Variants in CRYBG3 observed in about 807,000 individuals in gnomAD.
The protein encoded by CRYBG3 is crystallin beta-gamma domain containing 3.
In CRYBG3, 127 loss-of-function variants were observed where a neutral mutation model predicts 244.2. The observed-to-expected ratio is 0.52, with a 90% CI of 0.45 to 0.60. The LOEUF is 0.60. CRYBG3 is among the 20% of genes least tolerant of loss of function. CRYBG3 has a pLI of 0.00. For missense variants in CRYBG3, 3,325 were observed against 3,442.5 expected (o/e 0.97, Z 0.85); for synonymous variants, 1,132 against 1,195.8 (o/e 0.95, Z 1.10).
At chr3:97,894,595 C>A (rs2039619776) in intron 11 of CRYBG3, among the ~76,000 whole-genome samples, 1 of 152,054 alleles carries the variant, frequency 6.6e-6, no homozygotes, top group South Asian at 2.1e-4. Flanking sequence ...GAATCTTAAT[C>A]AAAACTTAGT....
At chr3:97,857,105 A>G (rs1452255048) in intron 2 of CRYBG3, among the ~76,000 whole-genome samples, 1 of 152,028 alleles carries the variant, frequency 6.6e-6, no homozygotes, top group Non-Finnish European at 1.5e-5. Flanking sequence ...GACGAAACAA[A>G]TGTTTTAATT....
Position 97,875,591 on chromosome 3 carries a change from CAG to C in CRYBG3, c.4400_4401del (p.Glu1467GlyfsTer17). 2 of 1,238,340 alleles carry C rather than the reference CAG, an allele frequency of 1.6e-6. No individual in the cohort carries two copies. Among genetic ancestry groups the C allele is most frequent in the Non-Finnish European group, 2.0e-6 (2 of 992,430 alleles). The allele number at this position is 1,238,340 out of a possible 1,614,324, so 76.7% of individuals were successfully genotyped here. A position where few individuals can be genotyped will look rare whatever the true frequency, so the allele number is the denominator to read the frequency against. ...AATGTGGATAATAACAAAACTGAGA[CAG>C]AGGACAGAAGAACTCTTGTATTAAA... is the stretch of plus-strand genomic sequence containing the variant. On this transcript the variant is annotated frameshift_variant, in exon 4 of 22. Coordinates refer to ENST00000389622, the MANE Select transcript of CRYBG3 (RefSeq NM_153605.4). LOFTEE classifies it high-confidence loss of function.
intron 2 of CRYBG3, among the ~76,000 whole-genome samples, chr3:97,855,978 C>G (rs1025488552): frequency 3.9e-5 from 6 of 152,216 alleles, no homozygotes; most frequent in African/African-American, 1.4e-4. Context: ...TTGAGAGCAA[C>G]CGGTCTGACC....
At chr3:97,861,176 CAT>C (rs2039141902) in intron 2 of CRYBG3, among the ~76,000 whole-genome samples, 1 of 152,118 alleles carries the variant, frequency 6.6e-6, no homozygotes, top group African/African-American at 2.4e-5. Flanking sequence ...CTTCATCAGC[CAT>C]ATCCCTGCCA....
chr3:97,892,757 A>T (rs1022332355), intron 10 of CRYBG3, 103 bp from the exon 11 acceptor site: 3 of 505,144 alleles, frequency 5.9e-6, no homozygotes, highest in Admixed American at 4.5e-5. Context: ...CATATTAATT[A>T]AAAAAAAATA....
intron 7 of CRYBG3, among the ~76,000 whole-genome samples, chr3:97,883,118 G>A (rs2108225743): frequency 6.6e-6 from 1 of 152,296 alleles, no homozygotes; most frequent in South Asian, 2.1e-4. Context: ...AGGACTAACA[G>A]GAGTTAAGCA....
At chr3:97,879,384 A>G (rs2039419647) in intron 4 of CRYBG3, among the ~76,000 whole-genome samples, 1 of 152,160 alleles carries the variant, frequency 6.6e-6, no homozygotes, top group African/African-American at 2.4e-5. Flanking sequence ...CCTCACCTCC[A>G]TGCTGGTGCC....
chr3:97,833,767 A>G (rs1045214817), intron 1 of CRYBG3, among the ~76,000 whole-genome samples: 1 of 152,254 alleles, frequency 6.6e-6, no homozygotes, highest in Admixed American at 6.5e-5. Context: ...TTTCGCTGTC[A>G]TAGTCTGTGT....
At chr3:97,887,983 A>G (rs1391628154) in intron 8 of CRYBG3, among the ~76,000 whole-genome samples, 1 of 152,216 alleles carries the variant, frequency 6.6e-6, no homozygotes, top group African/African-American at 2.4e-5. Flanking sequence ...TGATTGTTCC[A>G]GTTTAAAAAA....
At position 97,864,449 on chromosome 3, in the gene CRYBG3, A is replaced by T; in HGVS notation, c.449A>T (p.Asp150Val). 1 of 1,535,970 alleles carries T rather than the reference A, an allele frequency of 6.5e-7. No homozygotes were observed. The highest frequency in any genetic ancestry group is 2.4e-5 in the East Asian group (1 of 40,898). The change falls in exon 3 of 22, where the codon GAT (aspartate) becomes GTT (valine). Residue 150 changes from aspartate to valine, a missense_variant. Physicochemically the swap from Asp to Val is radical, Grantham distance 152. Coordinates refer to ENST00000389622, the MANE Select transcript of CRYBG3 (RefSeq NM_153605.4). ...AKQSSFKDDQ[D>V]KTEKDLQNPS... is the part of the protein sequence containing the mutation. Reference sequence around the variant, plus strand: ...CAGTCTTCTTTCAAAGATGACCAGGATAAAACTGAGAAGGATTTACAAAAT... The same window carrying T: ...CAGTCTTCTTTCAAAGATGACCAGGTTAAAACTGAGAAGGATTTACAAAAT...
At position 97,880,006 on chromosome 3, in the gene CRYBG3, G is replaced by A; in HGVS notation, c.6910G>A (p.Glu2304Lys). ...PGKMVIYDLH[E>K]STYKQEVYCN... Reference sequence around the variant, plus strand: ...GCAGATGGTTATCTATGATCTCCATGAAAGTACATATAAACAAGAAGTCTA... The same window carrying A: ...GCAGATGGTTATCTATGATCTCCATAAAAGTACATATAAACAAGAAGTCTA... Residue 2304 changes from glutamate to lysine, a missense_variant, in exon 6 of 22, where the codon GAA becomes AAA. Glu to Lys is a moderately conservative substitution (Grantham distance 56). Around this residue, in one of 4 missense-constraint regions of CRYBG3, gnomAD observed 714 missense variants for 803.6 expected, o/e 0.89. Coordinates refer to ENST00000389622, the MANE Select transcript of CRYBG3 (RefSeq NM_153605.4). 1.9e-6 allele frequency: 3 copies of A among 1,570,922 alleles called. No individual in the cohort carries two copies. Among genetic ancestry groups the A allele is most frequent in the Non-Finnish European group, 2.6e-6 (3 of 1,145,150 alleles).
At chr3:97,843,973 A>C (rs1179561289) in intron 2 of CRYBG3, among the ~76,000 whole-genome samples, 1 of 152,156 alleles carries the variant, frequency 6.6e-6, no homozygotes, top group Non-Finnish European at 1.5e-5. Context: ...GTGACAGTCA[A>C]GGAGAAAATT....
At chr3:97,834,750 A>C (rs1416923318) in intron 1 of CRYBG3, among the ~76,000 whole-genome samples, 1 of 152,188 alleles carries the variant, frequency 6.6e-6, no homozygotes, top group African/African-American at 2.4e-5. Context: ...ATTATGATGC[A>C]AAGGAATTAA....
chr3:97,886,933 A>G (rs1226855475), intron 8 of CRYBG3, among the ~76,000 whole-genome samples, 166 bp downstream of exon 8: 1 of 152,232 alleles, frequency 6.6e-6, no homozygotes, highest in African/African-American at 2.4e-5. Context: ...GAGCTTTGAT[A>G]TATGACTCAC....
intron 15 of CRYBG3, among the ~76,000 whole-genome samples, chr3:97,904,193 A>G (rs1231458109): frequency 1.3e-5 from 2 of 152,304 alleles, no homozygotes; most frequent in Middle Eastern, 3.4e-3. Flanking sequence ...CTCTATGGAC[A>G]ATCCTCAGAA....
intron 8 of CRYBG3, among the ~76,000 whole-genome samples, chr3:97,887,193 A>AGTGAT (rs2039518677): frequency 6.6e-6 from 1 of 152,054 alleles, no homozygotes; most frequent in African/African-American, 2.4e-5. Context: ...ATTATATATG[A>AGTGAT]GTGATTTGTC....
At position 97,864,589 on chromosome 3, in the gene CRYBG3, G is replaced by C. The variant is rs938431731; in HGVS notation, c.589G>C (p.Asp197His). Reference protein sequence around the residue: ...EQDSNSSELSDAFSLDTTQDS... With the variant: ...EQDSNSSELSHAFSLDTTQDS... Reference sequence around the variant, plus strand: ...AGACTCTAACTCATCCGAACTCTCAGATGCTTTTTCTTTGGATACAACACA... The same window carrying C: ...AGACTCTAACTCATCCGAACTCTCACATGCTTTTTCTTTGGATACAACACA... The change falls in exon 3 of 22, where the codon GAT becomes CAT. Residue 197 changes from aspartate to histidine, a missense_variant. By Grantham distance (81) the Asp-to-His change is moderately conservative (BLOSUM62 -1). Coordinates refer to ENST00000389622, the MANE Select transcript of CRYBG3 (RefSeq NM_153605.4). The C allele has an allele frequency of 1.2e-5, 18 of 1,535,816 alleles. No individual in the cohort carries two copies. The Middle Eastern group carries it at 1.5e-3, about 128-fold the overall frequency.
intron 1 of CRYBG3, among the ~76,000 whole-genome samples, chr3:97,824,419 A>G (rs2038551712): frequency 6.6e-6 from 1 of 152,218 alleles, no homozygotes; most frequent in African/African-American, 2.4e-5. Flanking sequence ...AAACTAAAAC[A>G]TAATTATGAG....
chr3:97,873,710 C>T lies in CRYBG3; in HGVS notation c.2516C>T (p.Ser839Phe), dbSNP rs1483370312. ...GGAAGAGGAAAAACTATATCCTTGT[C>T]CAAGGTATCTCTTTCAAAAGTGGAG... The part of the protein sequence containing the change: ...HSGRGKTISL[S>F]KVSLSKVEPR... The change falls in exon 4 of 22, where the codon TCC becomes TTC. Residue 839 changes from serine (S) to phenylalanine (F), a missense_variant. By Grantham distance (155) the Ser-to-Phe change is radical. Coordinates refer to ENST00000389622, the MANE Select transcript of CRYBG3 (RefSeq NM_153605.4). The T allele has an allele frequency of 6.5e-7, 1 of 1,535,736 alleles. No individual in the cohort carries two copies. Among genetic ancestry groups the T allele is most frequent in the East Asian group, 2.4e-5 (1 of 40,908 alleles).
Sources: allele counts gnomAD v4.1 joint callset (sites outside exome capture counted in the v4.1 genomes callset), GRCh38; gene constraint gnomAD v4.1.1; regional missense constraint gnomAD v4.1.1; transcripts MANE v1.5; gene names NCBI Gene and HGNC (gene_info 2026-07-23, HGNC 2026-07-21).